SPRYD3: variants seen among roughly 807,000 people sequenced by gnomAD.
The protein encoded by SPRYD3 is SPRY domain-containing protein 3.
SPRYD3 carries 17 observed loss-of-function variants against 50.1 expected under a neutral mutation model. The ratio of observed to expected loss-of-function variants is 0.34; its 90% CI spans 0.23 to 0.51. The LOEUF (loss-of-function observed/expected upper bound fraction) is 0.51, where lower values mean the gene tolerates loss of function less well. SPRYD3 is among the 20% of genes least tolerant of loss of function. The probability of loss-of-function intolerance (pLI) is 0.97; values close to 1 mark genes in which losing one functional copy is unlikely to be tolerated. For synonymous variants in SPRYD3, 198 were observed against 215.5 expected (o/e 0.92, Z 0.71); for missense variants, 401 against 591.2 (o/e 0.68, Z 3.34).
At position 53,068,204 on chromosome 12, in the gene SPRYD3, A is replaced by G; in HGVS notation, c.794T>C (p.Ile265Thr). Residue 265 changes from isoleucine (I) to threonine (T), a missense_variant, in exon 7 of 11, where the codon ATC becomes ACC. Physicochemically the swap from Ile to Thr is moderately conservative, Grantham distance 89. Transcript: ENST00000301463. ...STRSHYFEVE[I>T]VDPGEKCYIA... Reference sequence around the variant, plus strand: ...GTAGCATTTCTCTCCAGGGTCCACGATCTCCACCTCGAAGTAGTGGCTGCG... The same window carrying G: ...GTAGCATTTCTCTCCAGGGTCCACGGTCTCCACCTCGAAGTAGTGGCTGCG... 6.2e-7 allele frequency: 1 copy of G among 1,614,156 alleles called. No homozygotes were observed. Among genetic ancestry groups the G allele is most frequent in the Non-Finnish European group, 8.5e-7 (1 of 1,180,026 alleles).
chr12:53,074,731 C>T lies in SPRYD3; in HGVS notation c.425G>A (p.Gly142Glu). The change falls in exon 5 of 11, where the codon GGG becomes GAG. Residue 142 changes from glycine (G) to glutamate (E), a missense_variant. By Grantham distance (98) the Gly-to-Glu change is moderately conservative. Transcript: ENST00000301463. The surrounding 1 kb of genome is among the most constrained non-coding windows in gnomAD (Gnocchi z 4.6). ...CTCAATGCCACAGCCAATCCGGTCC[C>T]CGGAGTTGCACTTTGACCCAAACTG... Reference protein sequence around the residue: ...GRQFGSKCNSGDRIGCGIEPV... With the variant: ...GRQFGSKCNSEDRIGCGIEPV... The T allele has an allele frequency of 6.2e-7, 1 of 1,614,278 alleles. No individual in the cohort carries two copies. Among genetic ancestry groups the T allele is most frequent in the Non-Finnish European group, 8.5e-7 (1 of 1,180,054 alleles).
intron 6 of SPRYD3, among the ~76,000 whole-genome samples, chr12:53,068,528 C>A (rs970628166): frequency 1.3e-5 from 2 of 152,192 alleles, no homozygotes; most frequent in Non-Finnish European, 2.9e-5. Flanking sequence ...TGAATGCCCA[C>A]GCTGTCTTCC....
chr12:53,075,896 G>T (rs922040186), intron 2 of SPRYD3, 85 bp from the exon 3 acceptor site: 25 of 996,354 alleles, frequency 2.5e-5, no homozygotes, highest in Non-Finnish European at 3.5e-5. Flanking sequence ...CCCTTACCCT[G>T]CAAGGGCCAG....
In SPRYD3 at chr12:53,071,523, G is replaced by C. The variant is rs200016078; in HGVS notation, c.693+1763C>G. On this transcript the variant is annotated intron_variant, in intron 6 of 10. Transcript: ENST00000301463. ...GGGAAACAGGCCACAGGAGGCAGGGGAAGAATTCCACTCAAGAAAGAGCCA... is the reference window on the plus strand; with the variant it reads ...GGGAAACAGGCCACAGGAGGCAGGGCAAGAATTCCACTCAAGAAAGAGCCA... Among the ~76,000 whole-genome samples the C allele has an allele frequency of 5.9e-5, 9 of 152,186 alleles. No individual in the cohort carries two copies. The East Asian group carries it at 1.7e-3, about 29-fold the overall frequency.
At chr12:53,077,907 C>G (rs1944600999) in intron 1 of SPRYD3, among the ~76,000 whole-genome samples, 2 of 152,210 alleles carry the variant, frequency 1.3e-5, no homozygotes, top group South Asian at 4.1e-4. Context: ...CCATGATTGG[C>G]TGGGTATGAT....
chr12:53,068,977 T>C (rs1447531161), intron 6 of SPRYD3, among the ~76,000 whole-genome samples: 1 of 152,078 alleles, frequency 6.6e-6, no homozygotes, highest in Non-Finnish European at 1.5e-5. Flanking sequence ...GAGGTCAAAA[T>C]GAAGACAGAG....
chr12:53,065,804 G>C lies in SPRYD3; in HGVS notation c.*28C>G, dbSNP rs1421958123. On this transcript the variant is annotated 3_prime_UTR_variant, in exon 11 of 11. Transcript: ENST00000301463. ...CCTGGCCCAGCAGAGGGTGAGCAGG[G>C]AGAAGGAGCAGGTCTGGAGGGGAGG... The C allele has an allele frequency of 2.5e-6, 4 of 1,600,500 alleles. No homozygotes were observed. The highest frequency in any genetic ancestry group is 3.4e-5 in the Admixed American group (2 of 59,204).
At chr12:53,073,259 C>CGGGGGGGGGGGGGGGGGGGGG in intron 6 of SPRYD3, 27 bp downstream of exon 6, 1 of 400,932 alleles carries the variant, frequency 2.5e-6, no homozygotes, top group Non-Finnish European at 4.6e-6. Context: ...CGACCCAGCC[C>CGGGGGGGGGGGGGGGGGGGGG]CTCCCACCCT....
chr12:53,070,429 G>A (rs1403455502), intron 6 of SPRYD3, among the ~76,000 whole-genome samples: 1 of 152,300 alleles, frequency 6.6e-6, no homozygotes, highest in East Asian at 1.9e-4. Context: ...GAACCTAGAG[G>A]AGGAGTGAAG....
At chr12:53,076,078 C>T (rs1944587020) in intron 2 of SPRYD3, among the ~76,000 whole-genome samples, 1 of 152,222 alleles carries the variant, frequency 6.6e-6, no homozygotes. Context: ...TGTAGAGCCT[C>T]CCTTACTTGC....
At chr12:53,073,256 G>GCCCCCGGGGGGGGGGGGGGGGGC in intron 6 of SPRYD3, 30 bp downstream of exon 6, 1 of 424,134 alleles carries the variant, frequency 2.4e-6, no homozygotes, top group Non-Finnish European at 4.4e-6. Flanking sequence ...CTCCGACCCA[G>GCCCCCGGGGGGGGGGGGGGGGGC]CCCCTCCCAC....
At position 53,067,682 on chromosome 12, in the gene SPRYD3, A is replaced by G. The variant is rs1944519775; in HGVS notation, c.867T>C (p.Pro289=). 1.2e-6 allele frequency: 2 copies of G among 1,614,034 alleles called. No individual in the cohort carries two copies. Among genetic ancestry groups the G allele is most frequent in the African/African-American group, 1.3e-5 (1 of 75,028 alleles). ...AAGCCACAGACCCTCTGCTCCAGCC[A>G]GGGTGCCTGTTCTTGGGATAGTCCT... is the stretch of plus-strand genomic sequence containing the variant. ...ARKDYPKNRH[P]GWSRGSVAYH... Residue 289 remains proline, a synonymous_variant, in exon 8 of 11, where the codon CCT becomes CCC. Coordinates refer to ENST00000301463, the MANE Select transcript of SPRYD3 (RefSeq NM_032840.3).
At position 53,066,420 on chromosome 12, in the gene SPRYD3, C is replaced by A; in HGVS notation, c.1088G>T (p.Arg363Leu). 6.2e-7 allele frequency: 1 copy of A among 1,614,116 alleles called. No individual in the cohort carries two copies. Reference sequence around the variant, plus strand: ...TTCCTGGTGCAGGTACATGACATTCCGCACGTTCCGGACGGCCCGGGCAGT... The same window carrying A: ...TTCCTGGTGCAGGTACATGACATTCAGCACGTTCCGGACGGCCCGGGCAGT... ...SPTARAVRNV[R>L]NVMYLHQEGE... is the part of the protein sequence containing the mutation. Residue 363 changes from arginine (R) to leucine (L), a missense_variant, in exon 10 of 11, where the codon CGG (arginine) becomes CTG (leucine). Transcript: ENST00000301463.
intron 6 of SPRYD3, among the ~76,000 whole-genome samples, chr12:53,072,683 C>T (rs955043216): frequency 6.6e-6 from 1 of 152,196 alleles, no homozygotes; most frequent in African/African-American, 2.4e-5. Flanking sequence ...CACACGCTTC[C>T]CAACGAAGCT....
At position 53,075,147 on chromosome 12, in the gene SPRYD3, G is replaced by C; in HGVS notation, c.319C>G (p.His107Asp). ...GLVPQYYSLDHQPGWLPDSVA... is the reference protein window; with the variant it reads ...GLVPQYYSLDDQPGWLPDSVA... ...GAGTCAGGCAACCAGCCAGGCTGGT[G>C]ATCCAAGCTGTAGTACTGAGGGACC... The change falls in exon 4 of 11, where the codon CAC (histidine) becomes GAC (aspartate). Residue 107 changes from histidine to aspartate, a missense_variant. Transcript: ENST00000301463. 6.2e-7 allele frequency: 1 copy of C among 1,613,964 alleles called. No individual in the cohort carries two copies. The highest frequency in any genetic ancestry group is 8.5e-7 in the Non-Finnish European group (1 of 1,179,846).
intron 1 of SPRYD3, chr12:53,078,156 C>A: frequency 2.2e-6 from 1 of 445,328 alleles, no homozygotes; most frequent in Non-Finnish European, 4.5e-6. Flanking sequence ...TCCAGCCTGG[C>A]TGACAGAGCA....
chr12:53,074,033 GT>G lies in SPRYD3; in HGVS notation c.508-563del, dbSNP rs1382515617. ...TTGCTGCCAAATACTTTCAGTACGT[GT>G]GCTGGACAGGAGAGTGCCGAGGCGC... is the stretch of plus-strand genomic sequence containing the variant. On this transcript the variant is annotated intron_variant, in intron 5 of 10. Coordinates refer to ENST00000301463, the MANE Select transcript of SPRYD3 (RefSeq NM_032840.3). This position sits in a 1 kb window ranked among gnomAD's most constrained non-coding sequence, Gnocchi z 4.6. Among the ~76,000 whole-genome samples the G allele has an allele frequency of 2.6e-5, 4 of 152,126 alleles. No homozygotes were observed. Among genetic ancestry groups the G allele is most frequent in the Admixed American group, 6.5e-5 (1 of 15,272 alleles).
At chr12:53,076,781 C>T (rs977738980) in intron 2 of SPRYD3, among the ~76,000 whole-genome samples, 2 of 152,064 alleles carry the variant, frequency 1.3e-5, no homozygotes, top group African/African-American at 4.8e-5. Flanking sequence ...AACCCTGTCT[C>T]TACCAAAAAT....
intron 10 of SPRYD3, 78 bp downstream of exon 10, chr12:53,066,236 G>A: frequency 6.4e-7 from 1 of 1,557,068 alleles, no homozygotes; most frequent in Non-Finnish European, 8.7e-7. Context: ...CCCTGGTTGT[G>A]AGTTCTGTTC....
Sources: gnomAD v4.1 joint callset for allele counts (sites outside exome capture counted in the v4.1 genomes callset) on GRCh38, gnomAD v4.1.1 for gene constraint, Gnocchi (gnomAD v3.1) non-coding constraint, MANE v1.5 for transcripts, NCBI Gene and HGNC (gene_info 2026-07-23, HGNC 2026-07-21) for gene names.